The following ASCC1 variants were observed in gnomAD, a reference collection of about 807,000 sequenced individuals.
ASCC1 encodes the protein activating signal cointegrator 1 complex subunit 1.
In ASCC1, 35 loss-of-function variants were observed where a neutral mutation model predicts 46.6. The observed-to-expected ratio is 0.75, with a 90% confidence interval of 0.57 to 0.99. The LOEUF is 0.99. Ranked by LOEUF, ASCC1 falls within the 50% of genes least tolerant of loss-of-function variation. The pLI, the probability that ASCC1 is intolerant of heterozygous loss-of-function variation, is 0.00. For missense variants in ASCC1, 376 were observed against 428.7 expected (o/e 0.88, Z 1.09); for synonymous variants, 143 against 146.6 (o/e 0.98, Z 0.18).
At chr10:72,141,502 T>C (rs1369398968) in intron 7 of ASCC1, among the ~76,000 whole-genome samples, 1 of 152,162 alleles carries the variant, frequency 6.6e-6, no homozygotes, top group Non-Finnish European at 1.5e-5. Flanking sequence ...TTCCATTGGA[T>C]AAATTCCTAC....
At chr10:72,200,370 G>C (rs1181584468) in intron 4 of ASCC1, among the ~76,000 whole-genome samples, 2 of 151,952 alleles carry the variant, frequency 1.3e-5, no homozygotes, top group East Asian at 3.9e-4. Flanking sequence ...AAAAATTAGG[G>C]CTGGGCGCAG....
upstream of ASCC1, among the ~76,000 whole-genome samples, chr10:72,216,463 A>G (rs902619661): frequency 1.0e-4 from 1 of 9,886 alleles, no homozygotes; most frequent in African/African-American, 3.4e-4. Flanking sequence ...CTCCACGCCC[A>G]CCCCCGCCCC....
intron 9 of ASCC1, among the ~76,000 whole-genome samples, chr10:72,119,730 AAC>A (rs1843959218): frequency 6.6e-6 from 1 of 152,138 alleles, no homozygotes; most frequent in African/African-American, 2.4e-5. Flanking sequence ...AAAAAAAAAA[AAC>A]CAACACAACA....
chr10:72,106,156 A>G (rs913694855), intron 9 of ASCC1, among the ~76,000 whole-genome samples: 1 of 152,120 alleles, frequency 6.6e-6, no homozygotes, highest in African/African-American at 2.4e-5. Context: ...TCGGTGAACT[A>G]TTTGCTGTCT....
At chr10:72,106,558 C>T (rs79208244) in intron 9 of ASCC1, among the ~76,000 whole-genome samples, 4,089 of 152,206 alleles carry the variant, frequency 0.027, 70 homozygotes, top group Middle Eastern at 0.088. Context: ...CTATTTTGTA[C>T]TTAATAATAA....
chr10:72,135,699 G>A (rs1846100406), intron 7 of ASCC1, among the ~76,000 whole-genome samples: 1 of 152,176 alleles, frequency 6.6e-6, no homozygotes, highest in African/African-American at 2.4e-5. Context: ...GACAGCAGTG[G>A]AGGCAGGACA....
rs377388692 is a variant in ASCC1, at chr10:72,133,200, A to G, written c.747-19T>C. 2.7e-5 allele frequency: 44 copies of G among 1,613,682 alleles called. No homozygotes were observed. The highest frequency in any genetic ancestry group is 8.3e-5 in the Admixed American group (5 of 60,028). Reference sequence around the variant, plus strand: ...TTGTAGCCTGGAGAAATTGGAGAAAAGTAATGCAGAAATCTTAGTAAACTT... The same window carrying G: ...TTGTAGCCTGGAGAAATTGGAGAAAGGTAATGCAGAAATCTTAGTAAACTT... On this transcript the variant is annotated intron_variant, in intron 7 of 9. Coordinates refer to ENST00000672957, the MANE Select transcript of ASCC1 (RefSeq NM_001198800.3).
At chr10:72,162,515 G>A (rs1849823365) in intron 5 of ASCC1, among the ~76,000 whole-genome samples, 1 of 151,738 alleles carries the variant, frequency 6.6e-6, no homozygotes, top group African/African-American at 2.4e-5. Flanking sequence ...TGTCACCCAG[G>A]CTGGACTGCA....
At chr10:72,209,957 G>A (rs1398039658) in intron 3 of ASCC1, among the ~76,000 whole-genome samples, 3 of 151,946 alleles carry the variant, frequency 2.0e-5, no homozygotes, top group Non-Finnish European at 2.9e-5. Context: ...TCTCCTTGGC[G>A]ATGAGTGAGC....
intron 5 of ASCC1, among the ~76,000 whole-genome samples, chr10:72,190,939 T>C (rs1255217463): frequency 2.1e-4 from 27 of 130,172 alleles, no homozygotes; most frequent in Non-Finnish European, 3.8e-4. Context: ...GAGGTTGCCG[T>C]GAGCCAAGAT....
At chr10:72,205,919 C>T (rs779836414) in intron 3 of ASCC1, among the ~76,000 whole-genome samples, 28 of 151,916 alleles carry the variant, frequency 1.8e-4, no homozygotes, top group Non-Finnish European at 3.5e-4. Flanking sequence ...GCCTGGCCAA[C>T]GTGGTGAAAC....
intron 5 of ASCC1, among the ~76,000 whole-genome samples, chr10:72,177,585 T>C (rs951441401): frequency 1.3e-5 from 2 of 152,204 alleles, no homozygotes; most frequent in Non-Finnish European, 2.9e-5. Context: ...AGAAATCCCC[T>C]GTTGCTTCAG....
At chr10:72,120,531 T>A (rs1057001744) in intron 9 of ASCC1, among the ~76,000 whole-genome samples, 3 of 148,308 alleles carry the variant, frequency 2.0e-5, no homozygotes, top group Non-Finnish European at 4.4e-5. Context: ...TTTCCTAAAT[T>A]AATGTCAGAT....
At chr10:72,184,993 C>T (rs1246934621) in intron 5 of ASCC1, among the ~76,000 whole-genome samples, 1 of 152,042 alleles carries the variant, frequency 6.6e-6, no homozygotes, top group East Asian at 1.9e-4. Flanking sequence ...GGCAGATACA[C>T]AAATGGCCAA....
intron 9 of ASCC1, among the ~76,000 whole-genome samples, chr10:72,121,331 G>T (rs561331613): frequency 6.6e-6 from 1 of 151,900 alleles, no homozygotes; most frequent in Non-Finnish European, 1.5e-5. Flanking sequence ...TTTTTGTAGA[G>T]ACAGGGTCCC....
intron 7 of ASCC1, among the ~76,000 whole-genome samples, chr10:72,150,147 T>C (rs1848154544): frequency 6.6e-6 from 1 of 150,882 alleles, no homozygotes. Flanking sequence ...ATCACACCAC[T>C]GCACTCCAGC....
chr10:72,149,167 G>A (rs868019436), intron 7 of ASCC1, among the ~76,000 whole-genome samples: 26 of 151,506 alleles, frequency 1.7e-4, no homozygotes, highest in African/African-American at 5.1e-4. Flanking sequence ...GGCCGGGCAC[G>A]GTGGCTCATG....
At chr10:72,206,297 G>A (rs1016089193) in intron 3 of ASCC1, among the ~76,000 whole-genome samples, 3 of 152,040 alleles carry the variant, frequency 2.0e-5, no homozygotes, top group South Asian at 4.1e-4. Flanking sequence ...CCAGCTACTC[G>A]GGAGGCTGAG....
intron 9 of ASCC1, among the ~76,000 whole-genome samples, chr10:72,115,776 G>C (rs1215229680): frequency 1.3e-5 from 2 of 152,160 alleles, no homozygotes; most frequent in East Asian, 3.8e-4. Context: ...TGAAAGGGAC[G>C]GTGGCAGGAA....
Sources: gnomAD v4.1 joint callset for allele counts (sites outside exome capture counted in the v4.1 genomes callset) on GRCh38, gnomAD v4.1.1 for gene constraint, MANE v1.5 for transcripts, NCBI Gene and HGNC (gene_info 2026-07-23, HGNC 2026-07-21) for gene names.